CRTC1: variants seen among roughly 807,000 people sequenced by gnomAD.
The protein encoded by CRTC1 is CREB-regulated transcription coactivator 1.
Under a neutral mutation model 66.1 loss-of-function variants are expected in CRTC1, and 18 were observed. The observed-to-expected ratio is 0.27, with a 90% CI of 0.19 to 0.40. CRTC1 has a LOEUF of 0.40. Ranked by LOEUF, CRTC1 falls within the 10% of genes least tolerant of loss-of-function variation. The pLI, the probability that CRTC1 is intolerant of heterozygous loss-of-function variation, is 1.00. For synonymous variants in CRTC1, 416 were observed against 398.8 expected (o/e 1.04, Z -0.51); for missense variants, 669 against 887.9 (o/e 0.75, Z 3.13).
chr19:18,733,719 G>T (rs181129609), intron 1 of CRTC1, among the ~76,000 whole-genome samples: 7 of 152,368 alleles, frequency 4.6e-5, no homozygotes, highest in Middle Eastern at 3.4e-3. Context: ...GGGACCCACG[G>T]CATGGAGGGA....
intron 1 of CRTC1, among the ~76,000 whole-genome samples, chr19:18,739,141 G>A (rs1269401563): frequency 2.6e-5 from 4 of 152,234 alleles, no homozygotes; most frequent in South Asian, 2.1e-4. Context: ...CAGTTTTCCC[G>A]ACTCCTACCG....
chr19:18,738,802 AAAC>A (rs148273210), intron 1 of CRTC1, among the ~76,000 whole-genome samples: 4,284 of 152,082 alleles, frequency 0.028, 192 homozygotes, highest in African/African-American at 0.095. Flanking sequence ...CTCCGTCTCA[AAAC>A]AACAACAACA....
chr19:18,736,238 C>T (rs2053994559), intron 1 of CRTC1, among the ~76,000 whole-genome samples: 1 of 152,182 alleles, frequency 6.6e-6, no homozygotes, highest in South Asian at 2.1e-4. Context: ...ATTCCAGGGT[C>T]CCTCTGCCTT....
At chr19:18,757,691 C>T (rs958959039) in intron 6 of CRTC1, among the ~76,000 whole-genome samples, 1 of 151,554 alleles carries the variant, frequency 6.6e-6, no homozygotes, top group African/African-American at 2.4e-5. Context: ...CTGGACAACA[C>T]GGTGAGCCTC....
intron 5 of CRTC1, among the ~76,000 whole-genome samples, chr19:18,750,434 G>A (rs117844523): frequency 1.3e-5 from 2 of 152,336 alleles, no homozygotes; most frequent in South Asian, 2.1e-4. Context: ...CTGTGGCGGG[G>A]ACAGATCTGT....
At chr19:18,701,394 G>T (rs1006628176) in intron 1 of CRTC1, among the ~76,000 whole-genome samples, 1 of 152,256 alleles carries the variant, frequency 6.6e-6, no homozygotes, top group Non-Finnish European at 1.5e-5. Context: ...TGCCCGGCCC[G>T]TGGTGGGTGC....
intron 6 of CRTC1, among the ~76,000 whole-genome samples, chr19:18,755,054 G>C (rs1478160572): frequency 6.6e-6 from 1 of 151,754 alleles, no homozygotes; most frequent in East Asian, 1.9e-4. Context: ...TGTGATCTCG[G>C]CTCACTGCAA....
chr19:18,723,328 C>T (rs146434227), intron 1 of CRTC1, among the ~76,000 whole-genome samples: 2,074 of 152,290 alleles, frequency 0.014, 16 homozygotes, highest in Middle Eastern at 0.031. Context: ...TGTTGTTAAC[C>T]GTCCACCTAC....
intron 1 of CRTC1, among the ~76,000 whole-genome samples, chr19:18,719,635 A>G (rs1463980876): frequency 2.0e-5 from 3 of 152,112 alleles, no homozygotes; most frequent in Non-Finnish European, 2.9e-5. Context: ...AGGCGGGTTC[A>G]GCCCAGACCC....
chr19:18,702,343 C>T (rs1461374006), intron 1 of CRTC1, among the ~76,000 whole-genome samples: 1 of 151,990 alleles, frequency 6.6e-6, no homozygotes, highest in Non-Finnish European at 1.5e-5. Flanking sequence ...CCTCAGCCGC[C>T]TGAGTAGCTG....
chr19:18,757,248 C>G (rs2054510390), intron 6 of CRTC1, among the ~76,000 whole-genome samples: 2 of 152,194 alleles, frequency 1.3e-5, no homozygotes, highest in South Asian at 4.1e-4. Context: ...GAAGACGGTC[C>G]TGCCTTTGTC....
chr19:18,739,480 G>C (rs1367413483), intron 1 of CRTC1, among the ~76,000 whole-genome samples: 1 of 152,242 alleles, frequency 6.6e-6, no homozygotes, highest in Admixed American at 6.5e-5. Context: ...CAGCTGTGGA[G>C]GAGGTGCAGC....
chr19:18,777,134 G>T lies in CRTC1; in HGVS notation c.1694-37G>T. On this transcript the variant is annotated intron_variant, in intron 13 of 13. Transcript: ENST00000321949. This position sits in a 1 kb window ranked among gnomAD's most constrained non-coding sequence, Gnocchi z 5.5. ...CATGGATGCGAGCGATGGAGCCAGG[G>T]CTAAGCAGTGCCTTTTGTCCCCACC... The T allele has an allele frequency of 8.4e-7, 1 of 1,190,196 alleles. No individual in the cohort carries two copies. Among genetic ancestry groups the T allele is most frequent in the South Asian group, 1.2e-5 (1 of 80,226 alleles). The allele number at this position is 1,190,196 out of a possible 1,614,324, so 73.7% of individuals were successfully genotyped here.
intron 1 of CRTC1, among the ~76,000 whole-genome samples, chr19:18,708,235 A>G (rs4808149): frequency 0.52 from 79,421 of 151,870 alleles, 21,492 homozygotes; most frequent in East Asian, 0.9. Flanking sequence ...GCCAAGCTGG[A>G]GAGCTTGGAC....
chr19:18,737,273 T>G, intron 1 of CRTC1, among the ~76,000 whole-genome samples: 1 of 150,540 alleles, frequency 6.6e-6, no homozygotes, highest in Non-Finnish European at 1.5e-5. Flanking sequence ...GGGTAGGACT[T>G]TGTGTGAGGG....
intron 1 of CRTC1, among the ~76,000 whole-genome samples, chr19:18,710,764 A>C (rs1440924899): frequency 2.0e-5 from 3 of 152,204 alleles, no homozygotes; most frequent in African/African-American, 7.2e-5. Context: ...GGCACCCGCC[A>C]CTGTGCCCGG....
rs919557791 is a variant in CRTC1 at position 18,768,832 on chromosome 19, G to T, written c.1320+39G>T. The T allele has an allele frequency of 7.7e-6, 12 of 1,559,206 alleles. No homozygotes were observed. The Admixed American group carries it at 1.9e-4, about 24-fold the overall frequency. ...GGGGTCCCTCGGGGCCTGACTGGGGGTCTTGTAGAGGACAGCCCGGGGGCT... is the reference window on the plus strand; with the variant it reads ...GGGGTCCCTCGGGGCCTGACTGGGGTTCTTGTAGAGGACAGCCCGGGGGCT... On this transcript the variant is annotated intron_variant, in intron 10 of 13. Coordinates refer to ENST00000321949, the MANE Select transcript of CRTC1 (RefSeq NM_015321.3). This position sits in a 1 kb window ranked among gnomAD's most constrained non-coding sequence, Gnocchi z 5.6.
At chr19:18,707,370 G>A (rs140716466) in intron 1 of CRTC1, among the ~76,000 whole-genome samples, 6 of 152,176 alleles carry the variant, frequency 3.9e-5, no homozygotes, top group East Asian at 3.9e-4. Context: ...TCCCTTCCCC[G>A]TTGAATGGTT....
rs1035805433 is a variant in CRTC1 at position 18,769,375 on chromosome 19, C to T, written c.1320+582C>T. Among the ~76,000 whole-genome samples the T allele has an allele frequency of 3.3e-5, 5 of 152,234 alleles. No individual in the cohort carries two copies. In the East Asian group the frequency reaches 5.8e-4, roughly 18 times the overall value. ...AGACCACCTGCTTGCTCCAGCGGCG[C>T]GGGCTGGGTGGCAAACAGCTGCATT... On this transcript the variant is annotated intron_variant, in intron 10 of 13. Coordinates refer to ENST00000321949, the MANE Select transcript of CRTC1 (RefSeq NM_015321.3).
Sources: allele counts gnomAD v4.1 joint callset (sites outside exome capture counted in the v4.1 genomes callset), GRCh38; gene constraint gnomAD v4.1.1; non-coding constraint Gnocchi (gnomAD v3.1); transcripts MANE v1.5; gene names NCBI Gene and HGNC (gene_info 2026-07-23, HGNC 2026-07-21).